CRIM1: variants seen among roughly 807,000 people sequenced by gnomAD.
CRIM1 encodes cysteine rich transmembrane BMP regulator 1.
A neutral mutation model predicts 116.4 loss-of-function variants in CRIM1; 32 were observed. The ratio of observed to expected loss-of-function variants is 0.27; its 90% CI spans 0.21 to 0.37. The LOEUF is 0.37. Among genes scored for constraint, CRIM1 ranks in the 10% least tolerant of loss-of-function variants. The probability of loss-of-function intolerance (pLI) is 1.00; values close to 1 mark genes in which losing one functional copy is unlikely to be tolerated. For synonymous variants in CRIM1, 590 were observed against 509.2 expected, an observed-to-expected ratio of 1.16 and a Z score of -2.13; for missense variants, 1,331 against 1,354.8, an observed-to-expected ratio of 0.98 and a Z score of 0.28.
intron 2 of CRIM1, among the ~76,000 whole-genome samples, chr2:36,401,861 C>T (rs896910427): frequency 6.6e-6 from 1 of 152,188 alleles, no homozygotes; most frequent in African/African-American, 2.4e-5. Context: ...CAGATACATA[C>T]GTGACACTGT....
At chr2:36,360,176 A>G (rs1039035135) in intron 1 of CRIM1, among the ~76,000 whole-genome samples, 13 of 152,324 alleles carry the variant, frequency 8.5e-5, no homozygotes, top group Middle Eastern at 3.4e-3. Context: ...TTATGCTTCT[A>G]TAAGGAGTGA....
chr2:36,445,960 G>T (rs929973497), intron 4 of CRIM1, among the ~76,000 whole-genome samples: 1 of 152,164 alleles, frequency 6.6e-6, no homozygotes, highest in African/African-American at 2.4e-5. Context: ...ACTTTTACCA[G>T]CATACTTATA....
At chr2:36,493,551 G>A (rs1680379387) in intron 7 of CRIM1, among the ~76,000 whole-genome samples, 1 of 152,174 alleles carries the variant, frequency 6.6e-6, no homozygotes. Context: ...GCCTTCCACA[G>A]TTGTACATTT....
chr2:36,532,172 C>T (rs564987122), intron 13 of CRIM1, among the ~76,000 whole-genome samples: 1 of 152,328 alleles, frequency 6.6e-6, no homozygotes, highest in Admixed American at 6.5e-5. Context: ...TGGCCCTGGA[C>T]GCCATCGCAA....
intron 2 of CRIM1, among the ~76,000 whole-genome samples, chr2:36,402,216 T>C (rs1037077884): frequency 1.3e-5 from 2 of 152,156 alleles, no homozygotes; most frequent in Non-Finnish European, 2.9e-5. Context: ...ACCAGTATGC[T>C]GTGATAGAGA....
At chr2:36,381,496 G>C (rs1040764401) in intron 1 of CRIM1, among the ~76,000 whole-genome samples, 1 of 152,232 alleles carries the variant, frequency 6.6e-6, no homozygotes, top group Non-Finnish European at 1.5e-5. Context: ...GAGCAGGCCA[G>C]AATGCAGAAG....
intron 2 of CRIM1, among the ~76,000 whole-genome samples, chr2:36,407,216 C>CAT (rs1672873970): frequency 6.6e-6 from 1 of 152,084 alleles, no homozygotes; most frequent in African/African-American, 2.4e-5. Flanking sequence ...TTTTTTGGAG[C>CAT]ATATATACAG....
chr2:36,371,487 G>A (rs527584978), intron 1 of CRIM1, among the ~76,000 whole-genome samples: 3 of 152,130 alleles, frequency 2.0e-5, no homozygotes, highest in South Asian at 2.1e-4. Context: ...CTTTTTCATC[G>A]AACCATTTGG....
At chr2:36,458,701 G>A (rs1361344452) in intron 4 of CRIM1, among the ~76,000 whole-genome samples, 1 of 152,188 alleles carries the variant, frequency 6.6e-6, no homozygotes, top group Non-Finnish European at 1.5e-5. Flanking sequence ...GGTGACTGAT[G>A]TTCCTGAAGG....
chr2:36,491,645 A>G (rs1253723076), intron 7 of CRIM1, among the ~76,000 whole-genome samples: 1 of 152,164 alleles, frequency 6.6e-6, no homozygotes, highest in East Asian at 1.9e-4. Context: ...AAACTGTACT[A>G]GGTGCTGAGG....
chr2:36,487,355 T>C (rs1040244203), intron 7 of CRIM1, among the ~76,000 whole-genome samples: 1 of 152,180 alleles, frequency 6.6e-6, no homozygotes, highest in Admixed American at 6.5e-5. Context: ...GTGAAGTGTT[T>C]TTCCTTTCAC....
intron 13 of CRIM1, among the ~76,000 whole-genome samples, chr2:36,532,833 G>A (rs1437017565): frequency 3.3e-5 from 5 of 152,188 alleles, no homozygotes; most frequent in African/African-American, 9.7e-5. Flanking sequence ...AGATCAAATG[G>A]CATTGATGCA....
At position 36,356,793 on chromosome 2, in the gene CRIM1, C is replaced by T. The variant is rs967365438; in HGVS notation, c.331+170C>T. Among the ~76,000 whole-genome samples, 10 of 152,224 alleles carry T rather than the reference C, an allele frequency of 6.6e-5. No individual in the cohort carries two copies. The highest frequency in any genetic ancestry group is 5.2e-4 in the Admixed American group (8 of 15,292). On this transcript the variant is annotated intron_variant, in intron 1 of 16. Transcript: ENST00000280527. The surrounding 1 kb of genome is among the most constrained non-coding windows in gnomAD (Gnocchi z 4.3). ...CCCCCGCGGCCCTGCGTTCCCTCTC[C>T]TTGTTCCCCCCGACGCTTAGGCAGT...
At position 36,537,508 on chromosome 2, in the gene CRIM1, C is replaced by A. The variant is rs751080146; in HGVS notation, c.2585C>A (p.Pro862His). ...VSCPPLPCVE[P>H]INVEGSCCPM... ...TGCCCCCCTCTGCCCTGTGTTGAGC[C>A]CATCAACGTGGAAGGAAGTTGCTGC... The change falls in exon 14 of 17, where the codon CCC becomes CAC. Residue 862 changes from proline to histidine, a missense_variant. Pro to His is a moderately conservative substitution (Grantham distance 77). Transcript: ENST00000280527. 6.2e-7 allele frequency: 1 copy of A among 1,613,336 alleles called. No homozygotes were observed. Among genetic ancestry groups the A allele is most frequent in the Non-Finnish European group, 8.5e-7 (1 of 1,179,734 alleles).
intron 1 of CRIM1, chr2:36,369,258 G>C (rs1669792173): frequency 1.3e-5 from 2 of 152,226 alleles, no homozygotes; most frequent in African/African-American, 4.8e-5. Flanking sequence ...AGGTGAGTTA[G>C]AGACCCCACT....
chr2:36,509,995 G>T lies in CRIM1; in HGVS notation c.1514G>T (p.Cys505Phe). 1 of 1,614,008 alleles carries T rather than the reference G, an allele frequency of 6.2e-7. No homozygotes were observed. The highest frequency in any genetic ancestry group is 8.5e-7 in the Non-Finnish European group (1 of 1,179,946). The change falls in exon 9 of 17, where the codon TGT (cysteine) becomes TTT (phenylalanine). Residue 505 changes from cysteine to phenylalanine, a missense_variant. Around this residue, in one of 3 missense-constraint regions of CRIM1, gnomAD observed 690 missense variants for 676.0 expected, o/e 1.02. Transcript: ENST00000280527. ...TGTGTCTTCACAGCCGAGGAACTAT[G>T]TTCAGAACGTAAACAAGGCTGCACC... The part of the protein sequence containing the change: ...TCQCINTEEL[C>F]SERKQGCTLN...
intron 7 of CRIM1, among the ~76,000 whole-genome samples, chr2:36,493,114 T>G (rs1259227164): frequency 1.3e-5 from 2 of 152,120 alleles, no homozygotes; most frequent in Admixed American, 1.3e-4. Flanking sequence ...TGTAAAGAAA[T>G]GTAAGAATGT....
chr2:36,545,105 A>G (rs1667223915), intron 15 of CRIM1, among the ~76,000 whole-genome samples: 2 of 152,188 alleles, frequency 1.3e-5, no homozygotes, highest in South Asian at 2.1e-4. Flanking sequence ...CTTGATCAGT[A>G]GTATAAACTT....
rs1679245073 is a variant in CRIM1, at chr2:36,479,555, C to T, written c.1233C>T (p.Ala411=). ...GCTATGCCAATGGCCTGATCCTTGC[C>T]CACGGAGACCGGTGGCGGGAAGACG... is the stretch of plus-strand genomic sequence containing the variant. ...AGCYANGLIL[A]HGDRWREDDC... The change falls in exon 7 of 17, where the codon GCC becomes GCT. Residue 411 remains alanine (A), a synonymous_variant. Coordinates refer to ENST00000280527, the MANE Select transcript of CRIM1 (RefSeq NM_016441.3). The T allele has an allele frequency of 6.2e-7, 1 of 1,614,100 alleles. No homozygotes were observed. The highest frequency in any genetic ancestry group is 8.5e-7 in the Non-Finnish European group (1 of 1,180,042).
Sources: allele counts gnomAD v4.1 joint callset (sites outside exome capture counted in the v4.1 genomes callset), GRCh38; gene constraint gnomAD v4.1.1; regional missense constraint gnomAD v4.1.1; non-coding constraint Gnocchi (gnomAD v3.1); transcripts MANE v1.5; gene names NCBI Gene and HGNC (gene_info 2026-07-23, HGNC 2026-07-21).